The following FSHR variants were observed in gnomAD, a reference collection of about 807,000 sequenced individuals.
FSHR encodes follicle stimulating hormone receptor, also known as follicle-stimulating hormone receptor.
FSHR carries 46 observed loss-of-function variants against 52.1 expected under a neutral mutation model. That is an observed-to-expected ratio of 0.88 (90% CI 0.70 to 1.13). The LOEUF (loss-of-function observed/expected upper bound fraction) is 1.13. Ranked by LOEUF, FSHR falls within the 50% of genes most tolerant of loss-of-function variation. The pLI, the probability that FSHR is intolerant of heterozygous loss-of-function variation, is 0.00. For synonymous variants in FSHR, 399 were observed against 309.6 expected (o/e 1.29, Z -3.03); for missense variants, 964 against 834.6 (o/e 1.16, Z -1.91).
intron 1 of FSHR, among the ~76,000 whole-genome samples, chr2:49,072,453 G>A (rs1026759342): frequency 2.0e-5 from 3 of 152,056 alleles, no homozygotes; most frequent in Non-Finnish European, 4.4e-5. Flanking sequence ...AAATTAATGA[G>A]CCAAGCTTCC....
At chr2:49,086,557 G>A (rs968832623) in intron 1 of FSHR, among the ~76,000 whole-genome samples, 9 of 152,198 alleles carry the variant, frequency 5.9e-5, no homozygotes, top group African/African-American at 1.9e-4. Flanking sequence ...ATAATCACCT[G>A]CGGAAGATTT....
intron 1 of FSHR, among the ~76,000 whole-genome samples, chr2:49,092,083 G>A (rs181416238): frequency 1.1e-3 from 167 of 152,250 alleles, no homozygotes; most frequent in African/African-American, 4.0e-3. Flanking sequence ...TACAGATCCT[G>A]TATCTATTTT....
At chr2:49,146,767 CT>C (rs1672886105) in intron 1 of FSHR, among the ~76,000 whole-genome samples, 2 of 152,062 alleles carry the variant, frequency 1.3e-5, no homozygotes, top group Admixed American at 1.3e-4. Flanking sequence ...CAGCAATCTA[CT>C]GATGAGTTTT....
chr2:48,966,016 A>G (rs2103999567), intron 9 of FSHR, among the ~76,000 whole-genome samples: 1 of 152,282 alleles, frequency 6.6e-6, no homozygotes, highest in East Asian at 1.9e-4. Flanking sequence ...GCAGAGCCTA[A>G]GCTTTGGAGG....
intron 2 of FSHR, among the ~76,000 whole-genome samples, chr2:49,041,841 T>C (rs1259192329): frequency 6.6e-6 from 1 of 151,580 alleles, no homozygotes. Flanking sequence ...GGTGCAATGA[T>C]AGTAGCCTAA....
chr2:49,074,830 C>T (rs1669887329), intron 1 of FSHR, among the ~76,000 whole-genome samples: 1 of 152,086 alleles, frequency 6.6e-6, no homozygotes, highest in Non-Finnish European at 1.5e-5. Flanking sequence ...TAATGGAATA[C>T]TATTTAGCCA....
At chr2:49,077,257 A>G (rs1669984304) in intron 1 of FSHR, among the ~76,000 whole-genome samples, 1 of 152,166 alleles carries the variant, frequency 6.6e-6, no homozygotes, top group African/African-American at 2.4e-5. Context: ...ACTTTTGTGT[A>G]TCTTGACTTT....
At chr2:49,019,484 TCAA>T (rs1667614724) in intron 3 of FSHR, among the ~76,000 whole-genome samples, 1 of 152,162 alleles carries the variant, frequency 6.6e-6, no homozygotes. Context: ...AACTGGAACA[TCAA>T]CAAGAGAAAG....
chr2:49,059,740 C>A (rs11125201), intron 2 of FSHR: 52,526 of 151,916 alleles, frequency 0.35, 9,693 homozygotes, highest in East Asian at 0.49. Flanking sequence ...CCTAAATATA[C>A]GTCCAAAAAT....
chr2:49,133,001 G>C (rs1158625196), intron 1 of FSHR, among the ~76,000 whole-genome samples: 1 of 121,210 alleles, frequency 8.3e-6, no homozygotes, highest in Non-Finnish European at 1.6e-5. Context: ...AAAAAGGCAA[G>C]TTTGTGGTAT....
intron 4 of FSHR, among the ~76,000 whole-genome samples, chr2:48,999,048 A>T (rs1676146733): frequency 1.3e-5 from 2 of 152,080 alleles, no homozygotes; most frequent in South Asian, 4.1e-4. Context: ...TGATGGGGTG[A>T]GGAATCAAGA....
intron 1 of FSHR, among the ~76,000 whole-genome samples, chr2:49,108,862 G>T (rs543789303): frequency 2.6e-5 from 4 of 152,136 alleles, no homozygotes; most frequent in Admixed American, 6.6e-5. Context: ...AGGCTTTAAA[G>T]AATCCTTTAT....
At chr2:49,059,476 G>T (rs1310483526) in intron 2 of FSHR, 1 of 151,934 alleles carries the variant, frequency 6.6e-6, no homozygotes, top group East Asian at 1.9e-4. Flanking sequence ...ATTAATGCAC[G>T]TATCTATAGC....
At chr2:48,980,347 A>G (rs1675191819) in intron 8 of FSHR, among the ~76,000 whole-genome samples, 1 of 152,208 alleles carries the variant, frequency 6.6e-6, no homozygotes, top group African/African-American at 2.4e-5. Flanking sequence ...TCCTGTGGTA[A>G]GAAGGACAAA....
At chr2:49,110,184 A>C (rs371164419) in intron 1 of FSHR, among the ~76,000 whole-genome samples, 49 of 152,298 alleles carry the variant, frequency 3.2e-4, no homozygotes, top group African/African-American at 1.2e-3. Flanking sequence ...TATGCCAAGC[A>C]TGGTACTAAG....
chr2:49,131,415 C>T (rs10197617), intron 1 of FSHR, among the ~76,000 whole-genome samples: 5,676 of 152,194 alleles, frequency 0.037, 340 homozygotes, highest in African/African-American at 0.13. Flanking sequence ...TGAGCTAGTC[C>T]ATACTGCAGG....
chr2:49,017,000 CAA>C (rs1022478601), intron 4 of FSHR, among the ~76,000 whole-genome samples: 27 of 152,170 alleles, frequency 1.8e-4, no homozygotes, highest in African/African-American at 6.5e-4. Context: ...GGGGCAGGCC[CAA>C]AGAATGCAGC....
intron 6 of FSHR, among the ~76,000 whole-genome samples, chr2:48,983,623 C>T (rs181111048): frequency 6.6e-6 from 1 of 152,342 alleles, no homozygotes; most frequent in Non-Finnish European, 1.5e-5. Context: ...CACCCATGAT[C>T]ACCCACAGCA....
At chr2:49,030,525 A>C (rs1322434480) in intron 2 of FSHR, among the ~76,000 whole-genome samples, 1 of 152,016 alleles carries the variant, frequency 6.6e-6, no homozygotes, top group Non-Finnish European at 1.5e-5. Flanking sequence ...ATACCTCTTT[A>C]AATCTTATCT....
Sources: allele counts gnomAD v4.1 joint callset (sites outside exome capture counted in the v4.1 genomes callset), GRCh38; gene constraint gnomAD v4.1.1; transcripts MANE v1.5; gene names NCBI Gene and HGNC (gene_info 2026-07-23, HGNC 2026-07-21).